CDH8: variants seen among roughly 807,000 people sequenced by gnomAD.
CDH8 encodes cadherin-8.
In CDH8, 17 loss-of-function variants were observed where a neutral mutation model predicts 68.1. That is an observed-to-expected ratio of 0.25 (90% confidence interval 0.17 to 0.37). The LOEUF (loss-of-function observed/expected upper bound fraction) is 0.37, where lower values mean the gene tolerates loss of function less well. Among genes scored for constraint, CDH8 ranks in the 10% least tolerant of loss-of-function variants. The pLI is 1.00. For synonymous variants in CDH8, 372 were observed against 365.1 expected (o/e 1.02, Z -0.21); for missense variants, 763 against 999.3 (o/e 0.76, Z 3.19).
chr16:61,729,313 T>C (rs769651024), intron 8 of CDH8, among the ~76,000 whole-genome samples: 9 of 151,198 alleles, frequency 6.0e-5, no homozygotes, highest in Non-Finnish European at 1.3e-4. Flanking sequence ...TGTATGTGTG[T>C]ATGAAGGTTA....
At chr16:61,993,380 T>C (rs1395123405) in intron 2 of CDH8, among the ~76,000 whole-genome samples, 1 of 152,060 alleles carries the variant, frequency 6.6e-6, no homozygotes, top group Non-Finnish European at 1.5e-5. Flanking sequence ...AGTGTAATGG[T>C]GTGATCTCGG....
At chr16:61,852,858 C>T (rs1053172340) in intron 4 of CDH8, among the ~76,000 whole-genome samples, 2 of 133,686 alleles carry the variant, frequency 1.5e-5, no homozygotes, top group South Asian at 2.5e-4. Context: ...TCTGCCCTTC[C>T]TTCCTTCCTT....
chr16:61,988,586 AAAACAAAC>A (rs113741379), intron 2 of CDH8, among the ~76,000 whole-genome samples: 2 of 151,970 alleles, frequency 1.3e-5, no homozygotes, highest in Admixed American at 6.6e-5. Flanking sequence ...GCAACAAACA[AAAACAAAC>A]AAACAAACAA....
intron 8 of CDH8, among the ~76,000 whole-genome samples, chr16:61,763,855 T>A (rs1960525299): frequency 6.6e-6 from 1 of 152,030 alleles, no homozygotes; most frequent in East Asian, 1.9e-4. Flanking sequence ...CGTGAAGTGA[T>A]AAATAAATAA....
chr16:62,033,979 G>C (rs1315021039), intron 1 of CDH8, among the ~76,000 whole-genome samples: 2 of 152,084 alleles, frequency 1.3e-5, no homozygotes, highest in Non-Finnish European at 2.9e-5. Context: ...ATTATTATCA[G>C]AATTATTATT....
In CDH8 at chr16:61,950,562, T is replaced by G. The variant is rs558305534; in HGVS notation, c.253-49089A>C. On this transcript the variant is annotated intron_variant, in intron 2 of 11. Transcript: ENST00000577390. ...TATAAAGAACTACGGTGTCAAGATA[T>G]GAGACTGCATTGTCTTAACTTTCCT... 5.6e-4 allele frequency among the ~76,000 whole-genome samples: 86 copies of G among 152,350 alleles called. 2 individuals are homozygous for G. In the South Asian group the frequency reaches 0.012, roughly 22 times the overall value.
intron 7 of CDH8, among the ~76,000 whole-genome samples, chr16:61,812,056 TACAC>T: frequency 6.6e-6 from 1 of 152,258 alleles, no homozygotes; most frequent in South Asian, 2.1e-4. Context: ...AAGTGCTCTT[TACAC>T]ACACAAACAC....
chr16:61,738,011 T>C (rs1959749958), intron 8 of CDH8, among the ~76,000 whole-genome samples: 1 of 152,156 alleles, frequency 6.6e-6, no homozygotes, highest in Non-Finnish European at 1.5e-5. Flanking sequence ...ATTAGAACTT[T>C]AATCAAATTG....
chr16:62,035,536 G>A (rs1267631537), intron 1 of CDH8, among the ~76,000 whole-genome samples: 1 of 152,204 alleles, frequency 6.6e-6, no homozygotes, highest in African/African-American at 2.4e-5. Context: ...TTTCGCAGCT[G>A]AGCCTTGGCC....
chr16:61,747,856 G>A (rs576046890), intron 8 of CDH8, among the ~76,000 whole-genome samples: 1 of 152,172 alleles, frequency 6.6e-6, no homozygotes, highest in South Asian at 2.1e-4. Flanking sequence ...AATTTCTGCT[G>A]TTGCAGACAA....
chr16:61,959,579 T>C (rs775812112), intron 2 of CDH8, among the ~76,000 whole-genome samples: 38 of 151,238 alleles, frequency 2.5e-4, no homozygotes, highest in African/African-American at 9.0e-4. Context: ...TGTATGTATA[T>C]AGAGAGATGT....
At chr16:61,724,187 A>C (rs963741206) in intron 9 of CDH8, among the ~76,000 whole-genome samples, 1 of 150,714 alleles carries the variant, frequency 6.6e-6, no homozygotes, top group Admixed American at 6.6e-5. Context: ...TAACTTCAGA[A>C]TCATGAGAAG....
At chr16:61,787,946 G>T (rs201761491) in intron 8 of CDH8, among the ~76,000 whole-genome samples, 1 of 124,022 alleles carries the variant, frequency 8.1e-6, no homozygotes, top group Admixed American at 8.5e-5. Flanking sequence ...TGTGGTGGGG[G>T]GGGCGGGGGG....
intron 1 of CDH8, among the ~76,000 whole-genome samples, chr16:62,025,845 T>A (rs911443538): frequency 2.0e-5 from 3 of 151,642 alleles, no homozygotes; most frequent in African/African-American, 7.3e-5. Flanking sequence ...CACAGATATA[T>A]ACATATAGAT....
At chr16:61,799,907 C>T (rs6498809) in intron 7 of CDH8, among the ~76,000 whole-genome samples, 82,025 of 150,756 alleles carry the variant, frequency 0.54, 24,723 homozygotes, top group African/African-American at 0.83. Flanking sequence ...TAACTCTTTT[C>T]CCCCCCCCAA....
chr16:61,972,689 T>C (rs1430589785), intron 2 of CDH8, among the ~76,000 whole-genome samples: 1 of 151,766 alleles, frequency 6.6e-6, no homozygotes, highest in Non-Finnish European at 1.5e-5. Context: ...AGCAGGAATA[T>C]GACCCAATCA....
intron 10 of CDH8, among the ~76,000 whole-genome samples, chr16:61,708,544 C>T (rs2142861599): frequency 6.6e-6 from 1 of 152,208 alleles, no homozygotes; most frequent in Middle Eastern, 3.4e-3. Flanking sequence ...ACAAAAACTA[C>T]CCAAGCAAAG....
intron 3 of CDH8, among the ~76,000 whole-genome samples, chr16:61,866,088 G>A (rs1963247575): frequency 2.5e-5 from 1 of 40,530 alleles, no homozygotes; most frequent in Non-Finnish European, 4.5e-5. Context: ...ATGGTGGTGT[G>A]CACCTGTAGT....
At chr16:61,682,856 A>T (rs989621720) in intron 10 of CDH8, among the ~76,000 whole-genome samples, 2 of 151,866 alleles carry the variant, frequency 1.3e-5, no homozygotes, top group African/African-American at 4.8e-5. Flanking sequence ...TCGTTTTAAC[A>T]TTCCCAACCA....
Sources: allele counts gnomAD v4.1 joint callset (sites outside exome capture counted in the v4.1 genomes callset), GRCh38; gene constraint gnomAD v4.1.1; transcripts MANE v1.5; gene names NCBI Gene and HGNC (gene_info 2026-07-23, HGNC 2026-07-21).